Variants in AGAP6 observed in about 807,000 individuals in gnomAD.
AGAP6 encodes arf-GAP with GTPase, ANK repeat and PH domain-containing protein 6.
A neutral mutation model predicts 63.9 loss-of-function variants in AGAP6; 29 were observed. That is an observed-to-expected ratio of 0.45 (90% CI 0.34 to 0.62). AGAP6 has a LOEUF of 0.62. Among genes scored for constraint, AGAP6 ranks in the 20% least tolerant of loss-of-function variants. The pLI is 0.01. For synonymous variants in AGAP6, 199 were observed against 332.9 expected (o/e 0.60, Z 4.38); for missense variants, 493 against 884.9 (o/e 0.56, Z 5.62).
intron 4 of AGAP6, among the ~76,000 whole-genome samples, chr10:49,998,894 C>T (rs111680887): frequency 3.6e-5 from 5 of 139,198 alleles, no homozygotes; most frequent in South Asian, 2.5e-4. Flanking sequence ...CATTCAGCAA[C>T]GTTTTGTAGT....
chr10:49,997,022 G>A (rs1841517114), intron 4 of AGAP6, among the ~76,000 whole-genome samples: 1 of 146,196 alleles, frequency 6.8e-6, no homozygotes, highest in Non-Finnish European at 1.5e-5. Context: ...AAATAAATTT[G>A]TGGTCAATCT....
rs201137183 is a variant in AGAP6 at position 50,009,597 on chromosome 10, G to C, written c.1472G>C (p.Ser491Thr). 6.2e-7 allele frequency: 1 copy of C among 1,614,132 alleles called. No individual in the cohort carries two copies. Among genetic ancestry groups the C allele is most frequent in the Non-Finnish European group, 8.5e-7 (1 of 1,179,990 alleles). Reference protein sequence around the residue: ...DCETQNPKWASLNLGVLMCIE... With the variant: ...DCETQNPKWATLNLGVLMCIE... ...GAGACCCAGAATCCTAAGTGGGCCA[G>C]TTTGAACTTGGGAGTCCTCATGTGT... is the stretch of plus-strand genomic sequence containing the variant. Residue 491 changes from serine (S) to threonine (T), a missense_variant, in exon 8 of 8, where the codon AGT becomes ACT. Coordinates refer to ENST00000412531, the MANE Select transcript of AGAP6 (RefSeq NM_001077665.3).
chr10:50,007,931 A>G, intron 6 of AGAP6, 94 bp from the exon 7 acceptor site: 4 of 1,602,530 alleles, frequency 2.5e-6, no homozygotes, highest in Non-Finnish European at 3.4e-6. Context: ...TGGTAAAGTA[A>G]ACACCAAAGC....
chr10:50,001,102 A>G (rs1841675802), intron 4 of AGAP6, among the ~76,000 whole-genome samples: 1 of 152,022 alleles, frequency 6.6e-6, no homozygotes, highest in Non-Finnish European at 1.5e-5. Flanking sequence ...AGGCTGAGGC[A>G]GGCAGATCGC....
At position 49,988,873 on chromosome 10, in the gene AGAP6, A is replaced by G; in HGVS notation, c.158A>G (p.Glu53Gly). Reference protein sequence around the residue: ...APMAAAVQPAEVTVEVGEDLH... With the variant: ...APMAAAVQPAGVTVEVGEDLH... ...ATGGCTGCTGCTGTACAGCCTGCTG[A>G]GGTGACTGTTGAAGTTGGTGAGGAC... The change falls in exon 1 of 8, where the codon GAG becomes GGG. Residue 53 changes from glutamate (E) to glycine (G), a missense_variant. Transcript: ENST00000412531. 2 of 1,599,610 alleles carry G rather than the reference A, an allele frequency of 1.3e-6. No homozygotes were observed. Among genetic ancestry groups the G allele is most frequent in the African/African-American group, 2.7e-5 (2 of 74,678 alleles).
intron 4 of AGAP6, among the ~76,000 whole-genome samples, chr10:49,994,697 T>C (rs1841415596): frequency 6.6e-6 from 1 of 152,194 alleles, no homozygotes; most frequent in Admixed American, 6.5e-5. Context: ...GCATGGTGGC[T>C]AACGTCTGTA....
intron 2 of AGAP6, among the ~76,000 whole-genome samples, chr10:49,991,402 T>TTC (rs1841272219): frequency 6.6e-6 from 1 of 150,494 alleles, no homozygotes; most frequent in African/African-American, 2.4e-5. Context: ...TTTTTTTTTT[T>TTC]TTTAATAAAG....
rs551747711 is a variant in AGAP6 at position 49,989,944 on chromosome 10, C to T, written c.292+568C>T. On this transcript the variant is annotated intron_variant, in intron 2 of 7. Transcript: ENST00000412531. ...CTGGTGACTTAACAGACTTTATTTA[C>T]CTGCTTGTTCTAAAAGAGAGGTGGG... Among the ~76,000 whole-genome samples the T allele has an allele frequency of 9.9e-5, 15 of 152,264 alleles. No homozygotes were observed. In the East Asian group the frequency reaches 2.5e-3, roughly 25 times the overall value.
chr10:50,006,764 C>CAA (rs555257489), intron 6 of AGAP6, among the ~76,000 whole-genome samples: 6 of 148,908 alleles, frequency 4.0e-5, no homozygotes, highest in African/African-American at 1.2e-4. Flanking sequence ...TCTTTAAAAA[C>CAA]AAAAAAAAAA....
intron 4 of AGAP6, among the ~76,000 whole-genome samples, chr10:49,995,235 C>T (rs1354733868): frequency 2.0e-5 from 3 of 152,180 alleles, no homozygotes; most frequent in African/African-American, 7.2e-5. Context: ...TTCACTGTGT[C>T]TCTGCATTCC....
At chr10:49,994,050 A>G (rs1841388058) in intron 3 of AGAP6, among the ~76,000 whole-genome samples, 1 of 152,174 alleles carries the variant, frequency 6.6e-6, no homozygotes, top group African/African-American at 2.4e-5. Flanking sequence ...TAAATGCAGA[A>G]TGAGAGAATA....
chr10:50,008,700 G>C lies in AGAP6; in HGVS notation c.586-11G>C. The C allele has an allele frequency of 6.2e-7, 1 of 1,614,088 alleles. No individual in the cohort carries two copies. The highest frequency in any genetic ancestry group is 1.1e-5 in the South Asian group (1 of 91,080). Reference sequence around the variant, plus strand: ...AATTTTTGAAGCCATTCCTCCTCCTGTTCCACACAGGTTTCCACCGTGCAC... The same window carrying C: ...AATTTTTGAAGCCATTCCTCCTCCTCTTCCACACAGGTTTCCACCGTGCAC... On this transcript the variant is annotated splice_polypyrimidine_tract_variant and intron_variant, in intron 7 of 7. Transcript: ENST00000412531.
At chr10:49,999,850 T>C (rs1554862663) in intron 4 of AGAP6, among the ~76,000 whole-genome samples, 2 of 140,860 alleles carry the variant, frequency 1.4e-5, no homozygotes, top group Non-Finnish European at 3.0e-5. Context: ...AACCAAGAAC[T>C]CAACCCCTTT....
rs782511800 is a variant in AGAP6 at position 50,009,689 on chromosome 10, G to C, written c.1564G>C (p.Asp522His). 1.2e-6 allele frequency: 2 copies of C among 1,614,124 alleles called. No individual in the cohort carries two copies. Among genetic ancestry groups the C allele is most frequent in the Non-Finnish European group, 1.7e-6 (2 of 1,179,960 alleles). Reference protein sequence around the residue: ...HLSRVRSLELDDWPVELRKVM... With the variant: ...HLSRVRSLELHDWPVELRKVM... ...TTCCCGTGTGCGATCTCTGGAGCTG[G>C]ATGACTGGCCAGTTGAGCTCAGGAA... Residue 522 changes from aspartate to histidine, a missense_variant, in exon 8 of 8, where the codon GAT becomes CAT. This residue lies in a region of AGAP6 where 87 missense variants were observed against 92.9 expected (regional missense o/e 0.94). Coordinates refer to ENST00000412531, the MANE Select transcript of AGAP6 (RefSeq NM_001077665.3).
intron 3 of AGAP6, among the ~76,000 whole-genome samples, chr10:49,994,052 G>A (rs528330697): frequency 4.6e-5 from 7 of 152,238 alleles, no homozygotes; most frequent in Non-Finnish European, 1.0e-4. Flanking sequence ...AATGCAGAAT[G>A]AGAGAATACT....
In AGAP6 at chr10:49,998,008, A is replaced by G. The variant is rs1314316394; in HGVS notation, c.396+3579A>G. 1.5e-5 allele frequency among the ~76,000 whole-genome samples: 2 copies of G among 137,392 alleles called. 1 individual carries two copies. The highest frequency in any genetic ancestry group is 4.6e-4 in the East Asian group (2 of 4,320). The allele number at this position is 137,392 out of a possible 152,430, so 90.1% of individuals were successfully genotyped here. ...GAATTCCTCATATATATATATATAT[A>G]TATATATGTATGTATATCACGGTTT... On this transcript the variant is annotated intron_variant, in intron 4 of 7. Coordinates refer to ENST00000412531, the MANE Select transcript of AGAP6 (RefSeq NM_001077665.3).
intron 4 of AGAP6, 56 bp downstream of exon 4, chr10:49,994,485 C>G (rs1841405647): frequency 2.0e-6 from 3 of 1,506,784 alleles, no homozygotes; most frequent in Non-Finnish European, 2.7e-6. Context: ...AAGGATGTCT[C>G]TCTTGATTTC....
rs552704114 is a variant in AGAP6, at chr10:50,006,222, C to T, written c.533+1502C>T. Among the ~76,000 whole-genome samples, 124 of 152,296 alleles carry T rather than the reference C, an allele frequency of 8.1e-4. 1 individual carries two copies. The highest frequency in any genetic ancestry group is 2.8e-3 in the African/African-American group (116 of 41,546). ...TTATGTTTTATTGTGTCAAAAATCA[C>T]TTTTAGTTGAACCACCAATCTTACT... On this transcript the variant is annotated intron_variant, in intron 6 of 7. Coordinates refer to ENST00000412531, the MANE Select transcript of AGAP6 (RefSeq NM_001077665.3).
chr10:49,995,077 C>A (rs1313178532), intron 4 of AGAP6, among the ~76,000 whole-genome samples: 5 of 151,970 alleles, frequency 3.3e-5, no homozygotes, highest in African/African-American at 1.2e-4. Context: ...TCTATCACAG[C>A]AGGTAAAAGC....
Sources: allele counts gnomAD v4.1 joint callset (sites outside exome capture counted in the v4.1 genomes callset), GRCh38; gene constraint gnomAD v4.1.1; regional missense constraint gnomAD v4.1.1; transcripts MANE v1.5; gene names NCBI Gene and HGNC (gene_info 2026-07-23, HGNC 2026-07-21).